The following RSPH1 variants were observed in gnomAD, a reference collection of about 807,000 sequenced individuals.
RSPH1 encodes radial spoke head component 1.
Under a neutral mutation model 44.2 loss-of-function variants are expected in RSPH1, and 32 were observed. The ratio of observed to expected loss-of-function variants is 0.72; its 90% CI spans 0.55 to 0.97. RSPH1 has a LOEUF of 0.97. RSPH1 is among the 50% of genes least tolerant of loss of function. RSPH1 has a pLI of 0.00. For missense variants in RSPH1, 391 were observed against 398.7 expected, an observed-to-expected ratio of 0.98 and a Z score of 0.16; for synonymous variants, 134 against 147.3, an observed-to-expected ratio of 0.91 and a Z score of 0.65.
intron 1 of RSPH1, among the ~76,000 whole-genome samples, chr21:42,493,869 G>C (rs1311983977): frequency 6.6e-6 from 1 of 152,200 alleles, no homozygotes; most frequent in African/African-American, 2.4e-5. Flanking sequence ...TTCCACCTCA[G>C]ACTCCTGAGT....
At chr21:42,487,574 A>G in intron 3 of RSPH1, among the ~76,000 whole-genome samples, 1 of 152,190 alleles carries the variant, frequency 6.6e-6, no homozygotes, top group South Asian at 2.1e-4. Context: ...AACTCAGGCT[A>G]CTTAGATTCT....
At chr21:42,484,728 T>G (rs980600037) in intron 5 of RSPH1, 1 of 152,222 alleles carries the variant, frequency 6.6e-6, no homozygotes, top group African/African-American at 2.4e-5. Flanking sequence ...TTCTTCCAGA[T>G]TCATTTTCAT....
Position 42,474,149 on chromosome 21 carries a change from C to G in RSPH1, c.878-1279G>C, listed in dbSNP as rs1009416125. ...GCCCCAGAGAAGCTCAGAGAGCAAG[C>G]CTGATACAGGCAATCCCCACAGCTC... On this transcript the variant is annotated intron_variant, in intron 8 of 8. Coordinates refer to ENST00000291536, the MANE Select transcript of RSPH1 (RefSeq NM_080860.4). This position sits in a 1 kb window ranked among gnomAD's most constrained non-coding sequence, Gnocchi z 5.2. Among the ~76,000 whole-genome samples the G allele has an allele frequency of 6.6e-6, 1 of 152,204 alleles. No individual in the cohort carries two copies. Among genetic ancestry groups the G allele is most frequent in the Non-Finnish European group, 1.5e-5 (1 of 68,038 alleles).
intron 8 of RSPH1, 85 bp from the exon 9 acceptor site, chr21:42,472,955 C>T (rs984528764): frequency 7.3e-6 from 7 of 962,396 alleles, no homozygotes; most frequent in African/African-American, 3.4e-5. Context: ...GATCTTTTGC[C>T]GAAAAAAATT....
chr21:42,480,702 AAATTAGTGATGAGTTTAG>A (rs2146649322), intron 6 of RSPH1, among the ~76,000 whole-genome samples: 2 of 152,156 alleles, frequency 1.3e-5, no homozygotes, highest in South Asian at 4.2e-4. Flanking sequence ...TTGAATTGAA[AAATTAGTGATGAGTTTAG>A]ACTTAGGATT....
intron 6 of RSPH1, among the ~76,000 whole-genome samples, chr21:42,482,407 C>T (rs765845824): frequency 2.6e-5 from 4 of 152,082 alleles, no homozygotes; most frequent in Non-Finnish European, 4.4e-5. Flanking sequence ...TCAACAAAAA[C>T]GGTATCTATC....
intron 3 of RSPH1, among the ~76,000 whole-genome samples, chr21:42,489,148 G>A (rs546652321): frequency 6.6e-6 from 1 of 152,110 alleles, no homozygotes; most frequent in South Asian, 2.1e-4. Flanking sequence ...TGGCTAGTCA[G>A]TTGGCTGGTT....
chr21:42,475,567 C>T (rs1240128505), intron 8 of RSPH1, among the ~76,000 whole-genome samples: 1 of 112,148 alleles, frequency 8.9e-6, no homozygotes, highest in Non-Finnish European at 1.9e-5. Flanking sequence ...GACTCCATCT[C>T]AAAAAAAAAA....
At chr21:42,492,402 A>C (rs2054244513) in intron 3 of RSPH1, among the ~76,000 whole-genome samples, 1 of 152,226 alleles carries the variant, frequency 6.6e-6, no homozygotes, top group Non-Finnish European at 1.5e-5. Context: ...TCAGAAATGG[A>C]AAATGCAAAG....
intron 5 of RSPH1, 94 bp downstream of exon 5, chr21:42,485,575 G>T: frequency 6.9e-7 from 1 of 1,458,456 alleles, no homozygotes; most frequent in Non-Finnish European, 9.5e-7. Flanking sequence ...AGTTTTCTCT[G>T]AGTTTTTGGT....
intron 6 of RSPH1, among the ~76,000 whole-genome samples, chr21:42,479,000 CAG>C (rs1260272361): frequency 6.6e-6 from 1 of 152,132 alleles, no homozygotes; most frequent in African/African-American, 2.4e-5. Flanking sequence ...TTAATAGGTA[CAG>C]AGTTTCTGTC....
At chr21:42,476,145 C>T (rs975323436) in intron 7 of RSPH1, 98 bp from the exon 8 acceptor site, 1 of 1,196,264 alleles carries the variant, frequency 8.4e-7, no homozygotes, top group Non-Finnish European at 1.2e-6. Flanking sequence ...GTGCCCCCAC[C>T]CTCCCCCTCC....
At chr21:42,473,164 G>A (rs535919908) in intron 8 of RSPH1, among the ~76,000 whole-genome samples, 2 of 152,286 alleles carry the variant, frequency 1.3e-5, no homozygotes, top group South Asian at 4.1e-4. Flanking sequence ...CCAGCTTTGT[G>A]GCTAAAACAT....
At chr21:42,495,137 C>T (rs2146667682) in intron 1 of RSPH1, among the ~76,000 whole-genome samples, 1 of 152,330 alleles carries the variant, frequency 6.6e-6, no homozygotes, top group Admixed American at 6.5e-5. Context: ...ACTCTGGGGG[C>T]ATCAATCGCA....
In RSPH1 at chr21:42,485,537, G is replaced by C. The variant is rs143463587; in HGVS notation, c.501+132C>G. 287 of 1,016,188 alleles carry C rather than the reference G, an allele frequency of 2.8e-4. 1 individual carries two copies. The African/African-American group carries it at 4.3e-3, about 15-fold the overall frequency. 62.9% of individuals were successfully genotyped at this position (1,016,188 alleles called of 1,614,324 possible). Reference sequence around the variant, plus strand: ...GCTCAGAGAATGGCACAGCTGTCCTGTTCTCCACATTTGAATAGGCCGGAC... The same window carrying C: ...GCTCAGAGAATGGCACAGCTGTCCTCTTCTCCACATTTGAATAGGCCGGAC... On this transcript the variant is annotated intron_variant, in intron 5 of 8. Coordinates refer to ENST00000291536, the MANE Select transcript of RSPH1 (RefSeq NM_080860.4).
intron 3 of RSPH1, among the ~76,000 whole-genome samples, chr21:42,488,253 A>T (rs904880953): frequency 6.6e-6 from 1 of 152,212 alleles, no homozygotes; most frequent in African/African-American, 2.4e-5. Flanking sequence ...AACCATGAGG[A>T]TGTGCAAATA....
At chr21:42,479,168 C>T (rs762406007) in intron 6 of RSPH1, among the ~76,000 whole-genome samples, 5 of 152,274 alleles carry the variant, frequency 3.3e-5, no homozygotes, top group Middle Eastern at 3.4e-3. Flanking sequence ...GGGAGTGAGC[C>T]GTGGGCTGCA....
chr21:42,486,602 T>C, intron 3 of RSPH1, 141 bp from the exon 4 acceptor site: 1 of 647,308 alleles, frequency 1.5e-6, no homozygotes, highest in Non-Finnish European at 2.8e-6. Flanking sequence ...CCCCTTCTGC[T>C]CAGGAAATCC....
At chr21:42,473,524 A>T (rs1249294262) in intron 8 of RSPH1, among the ~76,000 whole-genome samples, 1 of 150,532 alleles carries the variant, frequency 6.6e-6, no homozygotes, top group Non-Finnish European at 1.5e-5. Flanking sequence ...AATTTGCCAC[A>T]TTCTTATAAG....
Sources: gnomAD v4.1 joint callset for allele counts (sites outside exome capture counted in the v4.1 genomes callset) on GRCh38, gnomAD v4.1.1 for gene constraint, Gnocchi (gnomAD v3.1) non-coding constraint, MANE v1.5 for transcripts, NCBI Gene and HGNC (gene_info 2026-07-23, HGNC 2026-07-21) for gene names.